GLG1: variants seen among roughly 807,000 people sequenced by gnomAD.
GLG1 encodes golgi glycoprotein 1.
GLG1 carries 38 observed loss-of-function variants against 160.5 expected under a neutral mutation model. That is an observed-to-expected ratio of 0.24 (90% confidence interval 0.18 to 0.31). The LOEUF is 0.31. Among genes scored for constraint, GLG1 ranks in the 10% least tolerant of loss-of-function variants. The pLI, the probability that GLG1 is intolerant of heterozygous loss-of-function variation, is 1.00. For synonymous variants in GLG1, 644 were observed against 543.4 expected (o/e 1.19, Z -2.57); for missense variants, 1,373 against 1,505.2 (o/e 0.91, Z 1.45).
chr16:74,467,484 A>G (rs2015042613), intron 18 of GLG1, among the ~76,000 whole-genome samples: 1 of 152,190 alleles, frequency 6.6e-6, no homozygotes, highest in Non-Finnish European at 1.5e-5. Flanking sequence ...AAGGATCATT[A>G]GGAGCTTACT....
chr16:74,603,213 T>C (rs959606107), intron 1 of GLG1, among the ~76,000 whole-genome samples: 1 of 151,926 alleles, frequency 6.6e-6, no homozygotes, highest in Non-Finnish European at 1.5e-5. Flanking sequence ...AGATCAAGAC[T>C]ATCCTGGCCA....
intron 2 of GLG1, among the ~76,000 whole-genome samples, chr16:74,514,132 G>C (rs1285178569): frequency 6.6e-6 from 1 of 152,166 alleles, no homozygotes; most frequent in Non-Finnish European, 1.5e-5. Context: ...AAGAAATATG[G>C]CACTATGTGA....
intron 1 of GLG1, among the ~76,000 whole-genome samples, chr16:74,584,509 C>G (rs1958003767): frequency 6.6e-6 from 1 of 152,036 alleles, no homozygotes; most frequent in Non-Finnish European, 1.5e-5. Flanking sequence ...CTTTAGAAAC[C>G]TATCCTTAAA....
rs577342772 is a variant in GLG1 at position 74,600,635 on chromosome 16, G to A, written c.438+6022C>T. On this transcript the variant is annotated intron_variant, in intron 1 of 25. Transcript: ENST00000422840. ...CAGTCCCAGCTACTCGGGAGGCTGA[G>A]GCAGAAAAATCACTTGAACCCAGGA... Among the ~76,000 whole-genome samples the A allele has an allele frequency of 2.2e-3, 324 of 150,252 alleles. No homozygotes were observed. In the Middle Eastern group the frequency reaches 0.024, roughly 11 times the overall value.
intron 10 of GLG1, among the ~76,000 whole-genome samples, chr16:74,481,299 TG>T (rs2015590362): frequency 6.6e-6 from 1 of 152,186 alleles, no homozygotes; most frequent in African/African-American, 2.4e-5. Flanking sequence ...CTGGAGACAG[TG>T]GATTAGACAA....
chr16:74,462,541 A>G lies in GLG1; in HGVS notation c.2881T>C (p.Ser961Pro). Reference protein sequence around the residue: ...HGILTKAKDDSELEGQVISCL... With the variant: ...HGILTKAKDDPELEGQVISCL... The stretch of plus-strand genomic sequence containing the variant: ...GAGATGACTTGTCCTTCTAATTCTG[A>G]ATCATCCTTGGCCTTAGTCAGGATA... Residue 961 changes from serine (S) to proline (P), a missense_variant, in exon 21 of 26, where the codon TCA becomes CCA. Around this residue, in one of 4 missense-constraint regions of GLG1, gnomAD observed 491 missense variants for 632.1 expected, o/e 0.78. Coordinates refer to ENST00000422840, the MANE Select transcript of GLG1 (RefSeq NM_001145667.2). 1 of 1,613,914 alleles carries G rather than the reference A, an allele frequency of 6.2e-7. No individual in the cohort carries two copies. Among genetic ancestry groups the G allele is most frequent in the Non-Finnish European group, 8.5e-7 (1 of 1,179,754 alleles).
chr16:74,594,871 G>A (rs934269364), intron 1 of GLG1, among the ~76,000 whole-genome samples: 2 of 152,092 alleles, frequency 1.3e-5, no homozygotes, highest in Non-Finnish European at 2.9e-5. Context: ...TGCCAAATTT[G>A]GAATACTGCC....
intron 17 of GLG1, chr16:74,468,226 C>CT (rs201829157): frequency 0.2 from 16,454 of 82,738 alleles, 4,935 homozygotes; most frequent in East Asian, 0.24. Context: ...CTTGAAATGT[C>CT]TTTTTTTTTT....
chr16:74,544,709 C>A (rs1473040757), intron 1 of GLG1, among the ~76,000 whole-genome samples: 1 of 152,144 alleles, frequency 6.6e-6, no homozygotes, highest in East Asian at 1.9e-4. Context: ...GCCATTTGGG[C>A]CAGGATGGTC....
chr16:74,606,910 T>C lies in GLG1; in HGVS notation c.185A>G (p.Gln62Arg). ...QAGGGGPAGQQLPQLPQSSQL... is the reference protein window; with the variant it reads ...QAGGGGPAGQRLPQLPQSSQL... ...CGATGACTGAGGCAGCTGGGGCAGC[T>C]GCTGACCCGCCGGGCCGCCGCCTCC... The change falls in exon 1 of 26, where the codon CAG (glutamine) becomes CGG (arginine). Residue 62 changes from glutamine to arginine, a missense_variant. Around this residue, in one of 4 missense-constraint regions of GLG1, gnomAD observed 322 missense variants for 254.6 expected, o/e 1.26. Transcript: ENST00000422840. The C allele has an allele frequency of 6.2e-7, 1 of 1,605,414 alleles. No homozygotes were observed. The highest frequency in any genetic ancestry group is 8.5e-7 in the Non-Finnish European group (1 of 1,177,722).
chr16:74,495,400 C>A (rs760797088), intron 5 of GLG1, among the ~76,000 whole-genome samples: 1 of 152,198 alleles, frequency 6.6e-6, no homozygotes, highest in African/African-American at 2.4e-5. Flanking sequence ...AGGCGTGAGC[C>A]GCCGCACCCA....
intron 6 of GLG1, among the ~76,000 whole-genome samples, 196 bp from the exon 7 acceptor site, chr16:74,493,336 G>A (rs1001805181): frequency 1.3e-5 from 2 of 152,202 alleles, no homozygotes; most frequent in African/African-American, 2.4e-5. Flanking sequence ...GGGGTAAGTG[G>A]GTGGGGAACC....
chr16:74,523,910 C>T (rs543481563), intron 2 of GLG1, among the ~76,000 whole-genome samples: 1 of 151,960 alleles, frequency 6.6e-6, no homozygotes, highest in East Asian at 1.9e-4. Flanking sequence ...GCTGATAGTG[C>T]ATTTTAAAAA....
chr16:74,551,804 A>G (rs1337024295), intron 1 of GLG1, among the ~76,000 whole-genome samples: 2 of 152,008 alleles, frequency 1.3e-5, no homozygotes, highest in East Asian at 3.9e-4. Flanking sequence ...AGAGAAGGGA[A>G]GTGGGGAAGG....
chr16:74,600,731 C>CAAAAAAAAAAAAAAAAAA (rs56122377), intron 1 of GLG1, among the ~76,000 whole-genome samples: 1 of 112,606 alleles, frequency 8.9e-6, no homozygotes, highest in Non-Finnish European at 1.8e-5. Context: ...GATTCCACCT[C>CAAAAAAAAAAAAAAAAAA]AAAAAAAAAA....
At chr16:74,564,603 A>G (rs1244080391) in intron 1 of GLG1, among the ~76,000 whole-genome samples, 1 of 152,224 alleles carries the variant, frequency 6.6e-6, no homozygotes, top group Non-Finnish European at 1.5e-5. Context: ...TGGAAACCCA[A>G]AAGGATGGTA....
intron 4 of GLG1, among the ~76,000 whole-genome samples, chr16:74,499,580 A>T (rs1007061552): frequency 6.6e-6 from 1 of 152,156 alleles, no homozygotes; most frequent in African/African-American, 2.4e-5. Context: ...AGTAGGCTAT[A>T]CTCTATGATA....
chr16:74,455,903 C>T (rs1244095419), intron 25 of GLG1, among the ~76,000 whole-genome samples: 2 of 152,150 alleles, frequency 1.3e-5, no homozygotes, highest in African/African-American at 2.4e-5. Flanking sequence ...GTTATGTAAA[C>T]TACAAAGCAA....
At chr16:74,569,609 C>T (rs188656142) in intron 1 of GLG1, among the ~76,000 whole-genome samples, 37 of 152,188 alleles carry the variant, frequency 2.4e-4, no homozygotes, top group Middle Eastern at 6.8e-3. Context: ...CACTTGTAAT[C>T]CCAGCACTTT....
Sources: allele counts gnomAD v4.1 joint callset (sites outside exome capture counted in the v4.1 genomes callset), GRCh38; gene constraint gnomAD v4.1.1; regional missense constraint gnomAD v4.1.1; transcripts MANE v1.5; gene names NCBI Gene and HGNC (gene_info 2026-07-23, HGNC 2026-07-21).